Variants in SNRPD1 observed in about 807,000 individuals in gnomAD.
The protein encoded by SNRPD1 is small nuclear ribonucleoprotein Sm D1.
SNRPD1 carries 1 observed loss-of-function variant against 14.4 expected under a neutral mutation model. The ratio of observed to expected loss-of-function variants is 0.07; its 90% CI spans 0.02 to 0.33. The LOEUF (loss-of-function observed/expected upper bound fraction) is 0.33, where lower values mean the gene tolerates loss of function less well. Among genes scored for constraint, SNRPD1 ranks in the 10% least tolerant of loss-of-function variants. SNRPD1 has a pLI of 1.00. For missense variants in SNRPD1, 52 were observed against 146.4 expected (o/e 0.36, Z 3.33); for synonymous variants, 42 against 50.3 (o/e 0.83, Z 0.70).
chr18:21,628,276 A>G (rs1005571936), intron 3 of SNRPD1, among the ~76,000 whole-genome samples: 1 of 152,148 alleles, frequency 6.6e-6, no homozygotes, highest in Non-Finnish European at 1.5e-5. Context: ...GCTACTCAGG[A>G]GGCTTAGATG....
intron 1 of SNRPD1, among the ~76,000 whole-genome samples, chr18:21,619,339 C>T (rs1454785169): frequency 6.6e-6 from 1 of 152,080 alleles, no homozygotes; most frequent in Non-Finnish European, 1.5e-5. Context: ...GCCACCAAGT[C>T]TGGCTAATTT....
At chr18:21,624,645 C>T (rs560338335) in intron 3 of SNRPD1, among the ~76,000 whole-genome samples, 2 of 151,020 alleles carry the variant, frequency 1.3e-5, no homozygotes, top group South Asian at 2.1e-4. Flanking sequence ...GAGCCAAGAT[C>T]ACGCCACTGC....
intron 3 of SNRPD1, among the ~76,000 whole-genome samples, chr18:21,628,779 AAG>A (rs968015403): frequency 6.6e-6 from 1 of 152,160 alleles, no homozygotes; most frequent in African/African-American, 2.4e-5. Flanking sequence ...TATAAAGAAA[AAG>A]TATTTTTAAA....
intron 1 of SNRPD1, among the ~76,000 whole-genome samples, chr18:21,615,870 T>C (rs2038953596): frequency 6.6e-6 from 1 of 152,200 alleles, no homozygotes; most frequent in Non-Finnish European, 1.5e-5. Flanking sequence ...AACAATATAT[T>C]AGAATAACAA....
chr18:21,625,929 GTT>G (rs2039035425), intron 3 of SNRPD1, among the ~76,000 whole-genome samples: 1 of 151,998 alleles, frequency 6.6e-6, no homozygotes, highest in African/African-American at 2.4e-5. Context: ...TATCTACTGT[GTT>G]TTCTCTGCTT....
chr18:21,623,178 C>G (rs908003455), intron 2 of SNRPD1, among the ~76,000 whole-genome samples: 2 of 151,782 alleles, frequency 1.3e-5, no homozygotes, highest in African/African-American at 4.8e-5. Flanking sequence ...CTCTGCCTCC[C>G]GGGTCCGGGT....
intron 1 of SNRPD1, among the ~76,000 whole-genome samples, chr18:21,615,900 G>C (rs182995632): frequency 6.6e-6 from 1 of 152,202 alleles, no homozygotes; most frequent in South Asian, 2.1e-4. Flanking sequence ...ATCCTCACCA[G>C]TATGTGGTGT....
chr18:21,612,341 C>A lies in SNRPD1; in HGVS notation c.-89C>A. 1.0e-6 allele frequency: 1 copy of A among 998,738 alleles called. No individual in the cohort carries two copies. Among genetic ancestry groups the A allele is most frequent in the Non-Finnish European group, 1.4e-6 (1 of 695,246 alleles). 61.9% of individuals were successfully genotyped at this position (998,738 alleles called of 1,614,324 possible). The stretch of plus-strand genomic sequence containing the variant: ...TGACGTCCGGAGCCCCTGGAGTAGG[C>A]GCTTCCGGCCATTCATACTGCAGTC... On this transcript the variant is annotated 5_prime_UTR_variant, in exon 1 of 4. Coordinates refer to ENST00000300413, the MANE Select transcript of SNRPD1 (RefSeq NM_006938.4).
intron 1 of SNRPD1, 150 bp downstream of exon 1, chr18:21,612,593 T>A (rs1568122026): frequency 1.8e-6 from 1 of 560,696 alleles, no homozygotes; most frequent in Non-Finnish European, 3.1e-6. Flanking sequence ...CAGCTCGTGC[T>A]CGGGCCTGGG....
chr18:21,622,331 G>T (rs1368840334), intron 1 of SNRPD1, among the ~76,000 whole-genome samples: 2 of 151,946 alleles, frequency 1.3e-5, no homozygotes, highest in African/African-American at 4.8e-5. Flanking sequence ...TAGTAGAGAC[G>T]GGGTTTCACC....
chr18:21,618,648 C>G (rs1475429944), intron 1 of SNRPD1, among the ~76,000 whole-genome samples: 1 of 152,084 alleles, frequency 6.6e-6, no homozygotes, highest in Non-Finnish European at 1.5e-5. Context: ...GAATAACTCT[C>G]TGGTGAAATA....
chr18:21,618,079 C>A (rs2038970509), intron 1 of SNRPD1, among the ~76,000 whole-genome samples: 1 of 151,950 alleles, frequency 6.6e-6, no homozygotes, highest in East Asian at 1.9e-4. Flanking sequence ...ACTAGGAGTC[C>A]CCTAATACCT....
rs932701612 is a variant in SNRPD1, at chr18:21,630,873, T to C, written c.*1735T>C. The C allele has an allele frequency of 1.3e-5, 2 of 149,020 alleles. No individual in the cohort carries two copies. Among genetic ancestry groups the C allele is most frequent in the African/African-American group, 4.9e-5 (2 of 40,924 alleles). The allele number at this position is 149,020 out of a possible 1,614,324, so 9.2% of individuals were successfully genotyped here. ...GTATACATGTAGAATGTACCTGTCA[T>C]ATATATTAGATATATAAATGTATAT... On this transcript the variant is annotated 3_prime_UTR_variant, in exon 4 of 4. Coordinates refer to ENST00000300413, the MANE Select transcript of SNRPD1 (RefSeq NM_006938.4).
intron 1 of SNRPD1, among the ~76,000 whole-genome samples, chr18:21,616,050 A>T (rs1026363772): frequency 1.3e-5 from 2 of 152,054 alleles, no homozygotes; most frequent in Admixed American, 6.6e-5. Flanking sequence ...CAGTGGCATG[A>T]TCTTGGTTCA....
At chr18:21,614,781 T>G (rs2038945449) in intron 1 of SNRPD1, among the ~76,000 whole-genome samples, 1 of 152,204 alleles carries the variant, frequency 6.6e-6, no homozygotes, top group African/African-American at 2.4e-5. Context: ...GATATCCAAG[T>G]TTCACTAAGT....
At chr18:21,623,668 T>C in intron 2 of SNRPD1, 80 bp from the exon 3 acceptor site, 1 of 998,274 alleles carries the variant, frequency 1.0e-6, no homozygotes. Flanking sequence ...TGTAGTCCAG[T>C]ATTTACTGTG....
At chr18:21,617,953 C>T (rs1393131954) in intron 1 of SNRPD1, among the ~76,000 whole-genome samples, 2 of 152,118 alleles carry the variant, frequency 1.3e-5, no homozygotes, top group Non-Finnish European at 2.9e-5. Flanking sequence ...CTATTGCACT[C>T]CAGCCTGGGC....
At chr18:21,629,028 G>C (rs1194553459) in intron 3 of SNRPD1, 34 bp from the exon 4 acceptor site, 1 of 1,551,474 alleles carries the variant, frequency 6.4e-7, no homozygotes, top group Non-Finnish European at 8.9e-7. Context: ...GTGCAGGAGA[G>C]AATTGAACTT....
intron 1 of SNRPD1, among the ~76,000 whole-genome samples, chr18:21,619,930 T>C (rs1183781224): frequency 1.3e-5 from 2 of 152,098 alleles, no homozygotes; most frequent in Non-Finnish European, 2.9e-5. Context: ...ACTACAGGCA[T>C]GAGCCAACAG....
Sources: gnomAD v4.1 joint callset for allele counts (sites outside exome capture counted in the v4.1 genomes callset) on GRCh38, gnomAD v4.1.1 for gene constraint, MANE v1.5 for transcripts, NCBI Gene and HGNC (gene_info 2026-07-23, HGNC 2026-07-21) for gene names.